The following NRP1 variants were observed in gnomAD, a reference collection of about 807,000 sequenced individuals.
NRP1 encodes neuropilin-1.
A neutral mutation model predicts 106.7 loss-of-function variants in NRP1; 35 were observed. The observed-to-expected ratio is 0.33, with a 90% confidence interval of 0.25 to 0.43. The LOEUF is 0.43. NRP1 is among the 20% of genes least tolerant of loss of function. The probability of loss-of-function intolerance (pLI) is 1.00; values close to 1 mark genes in which losing one functional copy is unlikely to be tolerated. For missense variants in NRP1, 1,024 were observed against 1,170.4 expected (o/e 0.87, Z 1.83); for synonymous variants, 437 against 417.9 (o/e 1.05, Z -0.56).
In NRP1 at chr10:33,221,968, G is replaced by T. The variant is rs1286197038; in HGVS notation, c.1138-105C>A. On this transcript the variant is annotated intron_variant, in intron 7 of 16. Coordinates refer to ENST00000374867, the MANE Select transcript of NRP1 (RefSeq NM_003873.7). ...AAAAATTATTTACAATTTCAGTGTT[G>T]TCGATCAAGGATGAGATGGCGTTAA... 5.6e-6 allele frequency: 7 copies of T among 1,260,900 alleles called. No homozygotes were observed. The East Asian group carries it at 1.2e-4, about 21-fold the overall frequency. 78.1% of individuals were successfully genotyped at this position (1,260,900 alleles called of 1,614,324 possible). A position where few individuals can be genotyped will look rare whatever the true frequency, so the allele number is the denominator to read the frequency against.
chr10:33,277,939 A>G (rs1479243138), intron 2 of NRP1, among the ~76,000 whole-genome samples: 1 of 152,076 alleles, frequency 6.6e-6, no homozygotes, highest in Non-Finnish European at 1.5e-5. Flanking sequence ...ATTGTGAGAC[A>G]TATGTCTTTG....
At chr10:33,185,797 A>G in intron 14 of NRP1, 73 bp from the exon 15 acceptor site, 1 of 1,273,142 alleles carries the variant, frequency 7.9e-7, no homozygotes, top group Non-Finnish European at 1.1e-6. Flanking sequence ...ATGCTTGTTC[A>G]GCTCCAGCTA....
intron 2 of NRP1, among the ~76,000 whole-genome samples, chr10:33,290,152 C>A (rs1284563298): frequency 6.6e-6 from 1 of 152,076 alleles, no homozygotes; most frequent in Non-Finnish European, 1.5e-5. Context: ...GTATAGAATG[C>A]CTATATGTGA....
At chr10:33,202,621 T>C (rs1040290671) in intron 11 of NRP1, 1 of 1,512,622 alleles carries the variant, frequency 6.6e-7, no homozygotes, top group East Asian at 2.5e-5. Context: ...CATTTAGCCA[T>C]GGGGAAATTC....
Position 33,263,734 on chromosome 10 carries a change from T to C in NRP1, c.570A>G (p.Glu190=). The C allele has an allele frequency of 6.2e-7, 1 of 1,614,116 alleles. No individual in the cohort carries two copies. Among genetic ancestry groups the C allele is most frequent in the Non-Finnish European group, 8.5e-7 (1 of 1,180,000 alleles). ...PKMSEIILEF[E]SFDLEPDSNP... ...TTGAGTCAGGCTCCAGGTCAAAGCT[T>C]TCAAATTCCAGGATAATCTCTGACA... Residue 190 remains glutamate (E), a synonymous_variant, in exon 4 of 17, where the codon GAA becomes GAG. Coordinates refer to ENST00000374867, the MANE Select transcript of NRP1 (RefSeq NM_003873.7).
At chr10:33,255,633 G>A (rs1001423648) in intron 5 of NRP1, among the ~76,000 whole-genome samples, 1 of 152,222 alleles carries the variant, frequency 6.6e-6, no homozygotes, top group African/African-American at 2.4e-5. Context: ...TCAATTTTTA[G>A]TAGAGTCAGG....
At chr10:33,246,179 T>G (rs1841410429) in intron 6 of NRP1, among the ~76,000 whole-genome samples, 1 of 149,574 alleles carries the variant, frequency 6.7e-6, no homozygotes, top group Admixed American at 6.7e-5. Flanking sequence ...CAGTTAAAAA[T>G]ATCCAAATAA....
rs11815935 is a variant in NRP1 at position 33,241,396 on chromosome 10, A to G, written c.981+12632T>C. On this transcript the variant is annotated intron_variant, in intron 6 of 16. Transcript: ENST00000374867. ...CATGCATTTCAGCCAGGGTCACCCA[A>G]TGGAAAAAATGCATCTGTACAACAA... Among the ~76,000 whole-genome samples, 378 of 152,318 alleles carry G rather than the reference A, an allele frequency of 2.5e-3. 2 individuals carry two copies. Among genetic ancestry groups the G allele is most frequent in the African/African-American group, 8.5e-3 (355 of 41,566 alleles).
chr10:33,317,862 C>T (rs1847150119), intron 2 of NRP1, among the ~76,000 whole-genome samples: 2 of 152,190 alleles, frequency 1.3e-5, no homozygotes, highest in South Asian at 4.1e-4. Context: ...TTCTTATTGG[C>T]TGAATGCACA....
chr10:33,225,975 T>C (rs1839632029), intron 7 of NRP1, among the ~76,000 whole-genome samples, 159 bp downstream of exon 7: 1 of 152,192 alleles, frequency 6.6e-6, no homozygotes, highest in Non-Finnish European at 1.5e-5. Context: ...TCTGGGAACA[T>C]GAGACCCCTT....
chr10:33,183,491 C>A (rs1019188260), intron 15 of NRP1, among the ~76,000 whole-genome samples: 4 of 152,124 alleles, frequency 2.6e-5, no homozygotes, highest in African/African-American at 7.2e-5. Flanking sequence ...ATTTAGTGTG[C>A]GTTAGTTTGG....
At chr10:33,199,389 ATTTTTTTT>A (rs1160327036) in intron 11 of NRP1, among the ~76,000 whole-genome samples, 36 of 36,812 alleles carry the variant, frequency 9.8e-4, no homozygotes, top group African/African-American at 1.9e-3. Flanking sequence ...ATATATATAT[ATTTTTTTT>A]TTTTTTTTTT....
rs992710054 is a variant in NRP1 at position 33,213,736 on chromosome 10, C to G, written c.1283-19G>C. The G allele has an allele frequency of 5.2e-6, 8 of 1,533,864 alleles. No individual in the cohort carries two copies. Among genetic ancestry groups the G allele is most frequent in the Non-Finnish European group, 3.5e-6 (4 of 1,134,872 alleles). On this transcript the variant is annotated intron_variant, in intron 8 of 16. Transcript: ENST00000374867. The stretch of plus-strand genomic sequence containing the variant: ...GGATAATCTGGGAAGTGAAATGAAA[C>G]AGATAATGTAAAATGATTTCCTGGG...
At chr10:33,186,152 C>T (rs1564362155) in intron 14 of NRP1, 65 bp downstream of exon 14, 4 of 1,515,132 alleles carry the variant, frequency 2.6e-6, no homozygotes, top group African/African-American at 2.8e-5. Context: ...TTTGCACAGC[C>T]TCCAACATAT....
chr10:33,333,813 G>A (rs977963236), intron 1 of NRP1, among the ~76,000 whole-genome samples: 4 of 152,268 alleles, frequency 2.6e-5, no homozygotes, highest in Non-Finnish European at 4.4e-5. Flanking sequence ...GACAGATTAC[G>A]GAAGGTGTAC....
intron 5 of NRP1, among the ~76,000 whole-genome samples, chr10:33,255,503 G>A (rs1260519822): frequency 6.6e-6 from 1 of 152,128 alleles, no homozygotes; most frequent in African/African-American, 2.4e-5. Flanking sequence ...CAACCAGGCT[G>A]GAGTGCAGTG....
rs71030049 is a variant in NRP1, at chr10:33,232,638, CTTTTTTTT to C, written c.982-6357_982-6350del. Among the ~76,000 whole-genome samples, 18 of 94,210 alleles carry C rather than the reference CTTTTTTTT, an allele frequency of 1.9e-4. 2 individuals are homozygous for C. The Admixed American group carries it at 2.1e-3, about 11-fold the overall frequency. 61.8% of individuals were successfully genotyped at this position (94,210 alleles called of 152,430 possible). A position where few individuals can be genotyped will look rare whatever the true frequency, so the allele number is the denominator to read the frequency against. On this transcript the variant is annotated intron_variant, in intron 6 of 16. Coordinates refer to ENST00000374867, the MANE Select transcript of NRP1 (RefSeq NM_003873.7). ...TAGTGGCCGCTTTCTTTTTCTTTTCCTTTTTTTTTTTTTTTTTTTTTTTGAGACAGAGT... is the reference window on the plus strand; with the variant it reads ...TAGTGGCCGCTTTCTTTTTCTTTTCCTTTTTTTTTTTTTTTGAGACAGAGT...
chr10:33,186,177 T>C, intron 14 of NRP1, 40 bp downstream of exon 14: 1 of 1,539,830 alleles, frequency 6.5e-7, no homozygotes, highest in Non-Finnish European at 8.8e-7. Flanking sequence ...TCAGCATTCC[T>C]GCAGCCACTG....
chr10:33,195,509 G>C (rs781369358), intron 12 of NRP1: 7 of 533,286 alleles, frequency 1.3e-5, no homozygotes, highest in Non-Finnish European at 2.7e-5. Flanking sequence ...ATAGCAAAAT[G>C]GAATTATGAT....
Sources: gnomAD v4.1 joint callset for allele counts (sites outside exome capture counted in the v4.1 genomes callset) on GRCh38, gnomAD v4.1.1 for gene constraint, MANE v1.5 for transcripts, NCBI Gene and HGNC (gene_info 2026-07-23, HGNC 2026-07-21) for gene names.